The following PARD3B variants were observed in gnomAD, a reference collection of about 807,000 sequenced individuals.
PARD3B encodes par-3 family cell polarity regulator beta.
PARD3B carries 103 observed loss-of-function variants against 130.2 expected under a neutral mutation model. The ratio of observed to expected loss-of-function variants is 0.79; its 90% CI spans 0.67 to 0.93. The LOEUF is 0.93. Among genes scored for constraint, PARD3B ranks in the 40% least tolerant of loss-of-function variants. The probability of loss-of-function intolerance (pLI) is 0.00; values close to 1 mark genes in which losing one functional copy is unlikely to be tolerated. For missense variants in PARD3B, 1,609 were observed against 1,499.2 expected (o/e 1.07, Z -1.21); for synonymous variants, 583 against 553.2 (o/e 1.05, Z -0.76).
chr2:205,408,250 A>G (rs1053885136), intron 19 of PARD3B, among the ~76,000 whole-genome samples: 13 of 152,190 alleles, frequency 8.5e-5, no homozygotes, highest in Admixed American at 6.5e-4. Context: ...TATTTGGCAA[A>G]CCAAGATTTA....
chr2:205,517,717 A>C (rs73060103), intron 21 of PARD3B, among the ~76,000 whole-genome samples: 5,870 of 152,236 alleles, frequency 0.039, 198 homozygotes, highest in South Asian at 0.13. Flanking sequence ...GGATGTGAGC[A>C]GTTATTGCTG....
chr2:204,718,897 C>T (rs1232254187), intron 2 of PARD3B, among the ~76,000 whole-genome samples: 1 of 152,134 alleles, frequency 6.6e-6, no homozygotes, highest in Non-Finnish European at 1.5e-5. Context: ...CAGGTAATAA[C>T]ACATATATGT....
rs951994222 is a variant in PARD3B at position 204,689,856 on chromosome 2, C to T, written c.222+3574C>T. On this transcript the variant is annotated intron_variant, in intron 2 of 22. Coordinates refer to ENST00000406610, the MANE Select transcript of PARD3B (RefSeq NM_001302769.2). This position sits in a 1 kb window ranked among gnomAD's most constrained non-coding sequence, Gnocchi z 5.2. ...TTCTCTGATGTGTCAAGCAGTTTGG[C>T]GCTTGTATCTATAATTTCTATTACG... is the stretch of plus-strand genomic sequence containing the variant. Among the ~76,000 whole-genome samples, 12 of 152,012 alleles carry T rather than the reference C, an allele frequency of 7.9e-5. No homozygotes were observed. The highest frequency in any genetic ancestry group is 2.7e-4 in the African/African-American group (11 of 41,414).
At chr2:205,416,439 C>A (rs763263361) in intron 19 of PARD3B, among the ~76,000 whole-genome samples, 7 of 152,038 alleles carry the variant, frequency 4.6e-5, no homozygotes, top group South Asian at 2.1e-4. Context: ...GAATTAGGTT[C>A]TTGGAGAAAC....
rs749729191 is a variant in PARD3B at position 205,176,650 on chromosome 2, A to AAAAAAAG, written c.1924+79_1924+80insGAAAAAA. 16,877 of 1,418,332 alleles carry AAAAAAAG rather than the reference A, an allele frequency of 0.012. 68 individuals are homozygous for AAAAAAAG. The highest frequency in any genetic ancestry group is 0.013 in the Non-Finnish European group (13,807 of 1,060,966). 87.9% of individuals were successfully genotyped at this position (1,418,332 alleles called of 1,614,324 possible). A position where few individuals can be genotyped will look rare whatever the true frequency, so the allele number is the denominator to read the frequency against. On this transcript the variant is annotated intron_variant, in intron 13 of 22. Transcript: ENST00000406610. This position sits in a 1 kb window ranked among gnomAD's most constrained non-coding sequence, Gnocchi z 5.3. ...AAAAGTGTCTTTTTATCTAAAAAAA[A>AAAAAAAG]AAAAAAAGAGTAAAGGGGAGTTAAT...
chr2:204,973,445 T>A (rs1691875922), intron 3 of PARD3B, among the ~76,000 whole-genome samples: 1 of 152,194 alleles, frequency 6.6e-6, no homozygotes, highest in Non-Finnish European at 1.5e-5. Flanking sequence ...TGTTAACAAT[T>A]TAATATATGG....
chr2:204,912,654 C>T (rs969644407), intron 2 of PARD3B, among the ~76,000 whole-genome samples: 31 of 151,686 alleles, frequency 2.0e-4, no homozygotes, highest in African/African-American at 6.8e-4. Flanking sequence ...GTTTGCCTGT[C>T]GATATTGAGT....
chr2:205,569,823 A>G (rs2053497487), intron 22 of PARD3B, among the ~76,000 whole-genome samples: 1 of 152,152 alleles, frequency 6.6e-6, no homozygotes, highest in Non-Finnish European at 1.5e-5. Context: ...TTTTCTCAAA[A>G]TGGTACTTCT....
chr2:205,525,284 G>A lies in PARD3B; in HGVS notation c.3180+25253G>A, dbSNP rs531970016. Among the ~76,000 whole-genome samples, 1 of 152,148 alleles carries A rather than the reference G, an allele frequency of 6.6e-6. No individual in the cohort carries two copies. Among genetic ancestry groups the A allele is most frequent in the Non-Finnish European group, 1.5e-5 (1 of 68,014 alleles). ...GGTTTCCTTACCACTCCAAGAGTGG[G>A]GTCTCTGGAAAATATAGTAACAAAG... On this transcript the variant is annotated intron_variant, in intron 21 of 22. Coordinates refer to ENST00000406610, the MANE Select transcript of PARD3B (RefSeq NM_001302769.2). This position sits in a 1 kb window ranked among gnomAD's most constrained non-coding sequence, Gnocchi z 4.2.
chr2:204,627,237 A>G (rs2034518788), intron 1 of PARD3B, among the ~76,000 whole-genome samples: 1 of 152,130 alleles, frequency 6.6e-6, no homozygotes, highest in South Asian at 2.1e-4. Flanking sequence ...CTTGGGTACT[A>G]TCTTTATGGC....
At position 205,124,232 on chromosome 2, in the gene PARD3B, A is replaced by T. The variant is rs143387675; in HGVS notation, c.1166-95A>T. The T allele has an allele frequency of 2.2e-4, 219 of 992,600 alleles. No individual in the cohort carries two copies. In the African/African-American group the frequency reaches 3.3e-3, roughly 15 times the overall value. 61.5% of individuals were successfully genotyped at this position (992,600 alleles called of 1,614,324 possible). On this transcript the variant is annotated intron_variant, in intron 8 of 22. Transcript: ENST00000406610. ...AGAATGTAAATATTTTACTGATTCT[A>T]TATTAGTCTAAATTAGGTAGATCTT...
At chr2:205,150,347 T>C (rs1415441301) in intron 10 of PARD3B, among the ~76,000 whole-genome samples, 1 of 151,554 alleles carries the variant, frequency 6.6e-6, no homozygotes, top group African/African-American at 2.4e-5. Context: ...TGCTTGGGGG[T>C]TCGTCATATC....
rs1163081940 is a variant in PARD3B, at chr2:205,617,456, C to G, written c.*1643C>G. The G allele has an allele frequency of 3.3e-5, 5 of 152,234 alleles. No homozygotes were observed. The highest frequency in any genetic ancestry group is 7.3e-5 in the Non-Finnish European group (5 of 68,056). The allele number at this position is 152,234 out of a possible 1,614,324, so 9.4% of individuals were successfully genotyped here. A position where few individuals can be genotyped will look rare whatever the true frequency, so the allele number is the denominator to read the frequency against. On this transcript the variant is annotated 3_prime_UTR_variant, in exon 23 of 23. Coordinates refer to ENST00000406610, the MANE Select transcript of PARD3B (RefSeq NM_001302769.2). ...ATTATTGAATACATAGGACATCCCT[C>G]TACCCCAGCTTACTCTTATCTTTTT... is the stretch of plus-strand genomic sequence containing the variant.
chr2:205,137,802 G>C (rs1357836474), intron 10 of PARD3B, among the ~76,000 whole-genome samples: 2 of 152,142 alleles, frequency 1.3e-5, no homozygotes, highest in Non-Finnish European at 2.9e-5. Flanking sequence ...CCTCCAAAAG[G>C]CTAGTTCAGT....
intron 2 of PARD3B, among the ~76,000 whole-genome samples, chr2:204,713,323 G>A (rs1024350369): frequency 7.3e-5 from 11 of 150,898 alleles, no homozygotes; most frequent in African/African-American, 2.0e-4. Context: ...TCTTAATGCC[G>A]CAAAACCGTA....
intron 22 of PARD3B, among the ~76,000 whole-genome samples, chr2:205,560,824 C>A (rs2053105392): frequency 6.6e-6 from 1 of 152,220 alleles, no homozygotes; most frequent in Non-Finnish European, 1.5e-5. Context: ...GAAAGAGCAA[C>A]TTTAGAAGGA....
rs186294273 is a variant in PARD3B, at chr2:204,648,401, T to C, written c.121-37780T>C. On this transcript the variant is annotated intron_variant, in intron 1 of 22. Transcript: ENST00000406610. ...TGTTGGATATATCACATTTCAGTTGTTTCCAGTTTTTTTGCCGGTATGAAT... is the reference window on the plus strand; with the variant it reads ...TGTTGGATATATCACATTTCAGTTGCTTCCAGTTTTTTTGCCGGTATGAAT... 1.2e-3 allele frequency among the ~76,000 whole-genome samples: 175 copies of C among 150,586 alleles called. 1 individual carries two copies. The highest frequency in any genetic ancestry group is 4.0e-3 in the African/African-American group (163 of 41,150).
chr2:205,559,216 G>C (rs917772661), intron 22 of PARD3B, among the ~76,000 whole-genome samples: 1 of 152,182 alleles, frequency 6.6e-6, no homozygotes, highest in African/African-American at 2.4e-5. Flanking sequence ...TACAATCTCA[G>C]CTCACTGCAA....
intron 2 of PARD3B, 129 bp downstream of exon 2, chr2:204,686,411 G>C: frequency 1.5e-6 from 1 of 685,170 alleles, no homozygotes; most frequent in Admixed American, 2.6e-5. Flanking sequence ...GGTTTCACCT[G>C]GACAGCCCAT....
Sources: gnomAD v4.1 joint callset for allele counts (sites outside exome capture counted in the v4.1 genomes callset) on GRCh38, gnomAD v4.1.1 for gene constraint, Gnocchi (gnomAD v3.1) non-coding constraint, MANE v1.5 for transcripts, NCBI Gene and HGNC (gene_info 2026-07-23, HGNC 2026-07-21) for gene names.